The following ADAMTS17 variants were observed in gnomAD, a reference collection of about 807,000 sequenced individuals.
ADAMTS17 encodes the protein A disintegrin and metalloproteinase with thrombospondin motifs 17.
ADAMTS17 carries 113 observed loss-of-function variants against 141.5 expected under a neutral mutation model. The observed-to-expected ratio is 0.80, with a 90% CI of 0.69 to 0.93. The LOEUF (loss-of-function observed/expected upper bound fraction) is 0.93, where lower values mean the gene tolerates loss of function less well. Ranked by LOEUF, ADAMTS17 falls within the 40% of genes least tolerant of loss-of-function variation. The pLI is 0.00. For synonymous variants in ADAMTS17, 768 were observed against 630.6 expected (o/e 1.22, Z -3.27); for missense variants, 1,659 against 1,517.9 (o/e 1.09, Z -1.54).
At chr15:100,010,170 G>A (rs1249935315) in intron 18 of ADAMTS17, among the ~76,000 whole-genome samples, 1 of 151,902 alleles carries the variant, frequency 6.6e-6, no homozygotes, top group African/African-American at 2.4e-5. Flanking sequence ...GGCCTCCCCT[G>A]CCACGTGCAA....
chr15:100,238,961 T>C (rs1438255998), intron 7 of ADAMTS17, among the ~76,000 whole-genome samples: 1 of 152,158 alleles, frequency 6.6e-6, no homozygotes, highest in African/African-American at 2.4e-5. Context: ...CGTAGTGGCG[T>C]GTGCCTGTAA....
At chr15:100,096,334 A>G (rs2035754198) in intron 15 of ADAMTS17, 22 bp downstream of exon 15, 1 of 1,612,652 alleles carries the variant, frequency 6.2e-7, no homozygotes, top group Non-Finnish European at 8.5e-7. Flanking sequence ...TAGCCACAGC[A>G]GCCCCATGGG....
At chr15:100,157,167 C>T (rs888182158) in intron 8 of ADAMTS17, among the ~76,000 whole-genome samples, 2 of 152,162 alleles carry the variant, frequency 1.3e-5, no homozygotes, top group Non-Finnish European at 2.9e-5. Context: ...GGAAACCACC[C>T]TCATGATCCA....
chr15:100,051,677 C>T lies in ADAMTS17; in HGVS notation c.2350G>A (p.Val784Ile), dbSNP rs1369804350. Residue 784 changes from valine to isoleucine, a missense_variant, in exon 17 of 22, where the codon GTA (valine) becomes ATA (isoleucine). Physicochemically the swap from Val to Ile is conservative, Grantham distance 29. Coordinates refer to ENST00000268070, the MANE Select transcript of ADAMTS17 (RefSeq NM_139057.4). ...CTTTGATTTTCCGCAGTGCGGTTTA[C>T]AGGAACAGTGTATTCATAATGAATT... ...YGIHYEYTVP[V>I]NRTAENQSEP... 19 of 1,614,186 alleles carry T rather than the reference C, an allele frequency of 1.2e-5. No homozygotes were observed. The highest frequency in any genetic ancestry group is 3.3e-4 in the Middle Eastern group (2 of 6,062).
chr15:100,058,338 GCT>G, intron 15 of ADAMTS17, among the ~76,000 whole-genome samples: 1 of 152,058 alleles, frequency 6.6e-6, no homozygotes, highest in Non-Finnish European at 1.5e-5. Flanking sequence ...CCCTATCCCG[GCT>G]CTAACACCCC....
intron 18 of ADAMTS17, among the ~76,000 whole-genome samples, chr15:100,048,585 G>A (rs1210423018): frequency 1.4e-5 from 2 of 144,892 alleles, no homozygotes; most frequent in African/African-American, 5.3e-5. Context: ...GTGTGGTGAT[G>A]GCCATTTTTT....
chr15:100,097,288 C>T (rs2035821975), intron 14 of ADAMTS17, among the ~76,000 whole-genome samples: 1 of 152,190 alleles, frequency 6.6e-6, no homozygotes, highest in Non-Finnish European at 1.5e-5. Flanking sequence ...CCCTATAAAG[C>T]TAATGCTTCC....
In ADAMTS17 at chr15:99,997,298, G is replaced by C; in HGVS notation, c.2796+87C>G. On this transcript the variant is annotated intron_variant, in intron 19 of 21. Transcript: ENST00000268070. This position sits in a 1 kb window ranked among gnomAD's most constrained non-coding sequence, Gnocchi z 4.7. ...CAAGCTGACCTGGGGGCGAGCGAGG[G>C]CTGGGAGGCACCAGAATGTCACCAA... is the stretch of plus-strand genomic sequence containing the variant. 6.7e-7 allele frequency: 1 copy of C among 1,483,896 alleles called. No individual in the cohort carries two copies. Among genetic ancestry groups the C allele is most frequent in the Non-Finnish European group, 9.4e-7 (1 of 1,067,698 alleles). The allele number at this position is 1,483,896 out of a possible 1,614,324, so 91.9% of individuals were successfully genotyped here. A position where few individuals can be genotyped will look rare whatever the true frequency, so the allele number is the denominator to read the frequency against.
intron 18 of ADAMTS17, among the ~76,000 whole-genome samples, chr15:100,018,734 T>C (rs2061342326): frequency 6.6e-6 from 1 of 152,202 alleles, no homozygotes; most frequent in African/African-American, 2.4e-5. Flanking sequence ...AACAGACTAA[T>C]ACATCCCCCA....
chr15:100,133,145 C>A, intron 11 of ADAMTS17, 69 bp downstream of exon 11: 1 of 1,414,764 alleles, frequency 7.1e-7, no homozygotes. Flanking sequence ...GATTGTGTGT[C>A]AGAAGAGGTG....
Position 100,070,695 on chromosome 15 carries a change from G to A in ADAMTS17, c.2138-16641C>T, listed in dbSNP as rs1318696581. ...AATAAAGATGTTCTTTGACACCAAC[G>A]AGAACAAAGACACAACATACCAGAA... On this transcript the variant is annotated intron_variant, in intron 15 of 21. Transcript: ENST00000268070. Among the ~76,000 whole-genome samples the A allele has an allele frequency of 1.7e-4, 26 of 150,024 alleles. 1 individual carries two copies. Among genetic ancestry groups the A allele is most frequent in the Middle Eastern group, 3.4e-3 (1 of 290 alleles).
At chr15:100,195,565 A>G (rs1326966838) in intron 8 of ADAMTS17, among the ~76,000 whole-genome samples, 5 of 150,026 alleles carry the variant, frequency 3.3e-5, no homozygotes, top group African/African-American at 1.2e-4. Flanking sequence ...TTTCATCCTA[A>G]TAGTCTCAGA....
At chr15:100,250,384 C>G (rs1392159093) in intron 7 of ADAMTS17, among the ~76,000 whole-genome samples, 1 of 152,202 alleles carries the variant, frequency 6.6e-6, no homozygotes. Context: ...GGTTTCAAGG[C>G]AGCTGTTCAA....
chr15:100,046,065 C>G (rs10153035), intron 18 of ADAMTS17, among the ~76,000 whole-genome samples: 11,530 of 152,048 alleles, frequency 0.076, 1,420 homozygotes, highest in African/African-American at 0.25. Flanking sequence ...ATTTTTAGTA[C>G]AGACAGGGTT....
chr15:100,051,419 T>C, intron 17 of ADAMTS17, 153 bp downstream of exon 17: 1 of 1,158,482 alleles, frequency 8.6e-7, no homozygotes, highest in Non-Finnish European at 1.3e-6. Flanking sequence ...TCTGTCCAAG[T>C]ATTCTGCAGA....
In ADAMTS17 at chr15:99,974,448, C is replaced by T; in HGVS notation, c.3242G>A (p.Arg1081Lys). Residue 1081 changes from arginine to lysine, a missense_variant, in exon 22 of 22, where the codon AGG becomes AAG. Coordinates refer to ENST00000268070, the MANE Select transcript of ADAMTS17 (RefSeq NM_139057.4). ...RWYQRCCQTC[R>K]DFYANKMRQP... ...GCGCATCTTGTTTGCATAGAAGTCC[C>T]TGCAGGTCTGGCAGCAGCGCTGGTA... is the stretch of plus-strand genomic sequence containing the variant. The T allele has an allele frequency of 6.2e-7, 1 of 1,614,224 alleles. No individual in the cohort carries two copies.
chr15:99,992,327 A>G (rs2060705876), intron 20 of ADAMTS17, among the ~76,000 whole-genome samples: 1 of 152,334 alleles, frequency 6.6e-6, no homozygotes, highest in South Asian at 2.1e-4. Flanking sequence ...TGCTAAGACC[A>G]TACAGAAGGA....
intron 21 of ADAMTS17, among the ~76,000 whole-genome samples, chr15:99,974,958 T>C (rs2060290676): frequency 6.6e-6 from 1 of 152,176 alleles, no homozygotes; most frequent in African/African-American, 2.4e-5. Flanking sequence ...TCCAAGTACA[T>C]ACAAGTGGCC....
intron 19 of ADAMTS17, among the ~76,000 whole-genome samples, chr15:99,996,861 A>T (rs1034037264): frequency 5.9e-5 from 9 of 152,196 alleles, no homozygotes; most frequent in Non-Finnish European, 1.3e-4. Flanking sequence ...ACCAGAGATA[A>T]AATTGTACTC....
Sources: allele counts gnomAD v4.1 joint callset (sites outside exome capture counted in the v4.1 genomes callset), GRCh38; gene constraint gnomAD v4.1.1; non-coding constraint Gnocchi (gnomAD v3.1); transcripts MANE v1.5; gene names NCBI Gene and HGNC (gene_info 2026-07-23, HGNC 2026-07-21).